Variants in BCAR3 observed in about 807,000 individuals in gnomAD.
The protein encoded by BCAR3 is BCAR3 adaptor protein, NSP family member.
Under a neutral mutation model 80.1 loss-of-function variants are expected in BCAR3, and 37 were observed. The observed-to-expected ratio is 0.46, with a 90% confidence interval of 0.36 to 0.61. The LOEUF is 0.61. BCAR3 is among the 20% of genes least tolerant of loss of function. BCAR3 has a pLI of 0.00. For missense variants in BCAR3, 978 were observed against 1,068.2 expected (o/e 0.92, Z 1.18); for synonymous variants, 389 against 418.9 (o/e 0.93, Z 0.87).
At chr1:93,699,028 C>T (rs1012650903) in intron 3 of BCAR3, among the ~76,000 whole-genome samples, 6 of 152,118 alleles carry the variant, frequency 3.9e-5, no homozygotes, top group African/African-American at 9.7e-5. Flanking sequence ...GGGGATGCAG[C>T]GCAGGGGACC....
At chr1:93,597,602 TG>T (rs1044682069) in intron 3 of BCAR3, among the ~76,000 whole-genome samples, 1 of 152,206 alleles carries the variant, frequency 6.6e-6, no homozygotes, top group Admixed American at 6.5e-5. Flanking sequence ...AAGGATTAAA[TG>T]GGTCAACATC....
At chr1:93,669,011 C>G (rs1270984073) in intron 2 of BCAR3, among the ~76,000 whole-genome samples, 2 of 152,056 alleles carry the variant, frequency 1.3e-5, no homozygotes, top group Admixed American at 1.3e-4. Flanking sequence ...CCGCACCCGG[C>G]CCAAGATTTT....
chr1:93,698,508 C>T (rs541751960), intron 3 of BCAR3, among the ~76,000 whole-genome samples: 1 of 152,258 alleles, frequency 6.6e-6, no homozygotes, highest in Admixed American at 6.5e-5. Flanking sequence ...GTGCCCTACT[C>T]CTCCTTTAAC....
intron 2 of BCAR3, among the ~76,000 whole-genome samples, chr1:93,830,609 T>A (rs1654525265): frequency 6.6e-6 from 1 of 151,808 alleles, no homozygotes. Context: ...CCCACCCAAA[T>A]CCTATAAAAT....
At chr1:93,843,919 T>C (rs544589585) in intron 2 of BCAR3, among the ~76,000 whole-genome samples, 1 of 152,320 alleles carries the variant, frequency 6.6e-6, no homozygotes, top group East Asian at 1.9e-4. Flanking sequence ...AGCAACCTTA[T>C]ACCTCTGGAG....
intron 2 of BCAR3, among the ~76,000 whole-genome samples, chr1:93,723,839 A>C (rs1049165544): frequency 1.3e-5 from 2 of 152,172 alleles, no homozygotes; most frequent in African/African-American, 4.8e-5. Context: ...GCCTCTCGGC[A>C]GTTCTCTTGG....
At chr1:93,706,359 C>CAG (rs1166369532) in intron 2 of BCAR3, among the ~76,000 whole-genome samples, 1 of 152,174 alleles carries the variant, frequency 6.6e-6, no homozygotes, top group Non-Finnish European at 1.5e-5. Flanking sequence ...CCTGTTGTCT[C>CAG]AGCAGGTTAC....
chr1:93,685,136 G>A (rs922995975), upstream of BCAR3, among the ~76,000 whole-genome samples: 1 of 152,154 alleles, frequency 6.6e-6, no homozygotes, highest in Non-Finnish European at 1.5e-5. Flanking sequence ...ATATGTTAAT[G>A]GTTTAATAGT....
intron 2 of BCAR3, among the ~76,000 whole-genome samples, chr1:93,718,467 G>A (rs1240781682): frequency 1.3e-5 from 2 of 152,098 alleles, no homozygotes; most frequent in Non-Finnish European, 2.9e-5. Context: ...GGGATTCTGG[G>A]GTCAGGCTTA....
At chr1:93,743,472 T>C (rs1557672921) in intron 2 of BCAR3, among the ~76,000 whole-genome samples, 1 of 152,204 alleles carries the variant, frequency 6.6e-6, no homozygotes, top group Non-Finnish European at 1.5e-5. Flanking sequence ...TTTCCACTGC[T>C]CTGGAGCATA....
At chr1:93,613,741 A>G in intron 3 of BCAR3, 1 of 1,361,596 alleles carries the variant, frequency 7.3e-7, no homozygotes. Flanking sequence ...CTCTGTTTTC[A>G]CAATCAGCAA....
intron 1 of BCAR3, among the ~76,000 whole-genome samples, chr1:93,680,396 C>T (rs923355214): frequency 3.3e-5 from 5 of 152,156 alleles, no homozygotes; most frequent in Non-Finnish European, 5.9e-5. Context: ...CCCCCTGGCA[C>T]GCCCGCAGAC....
At chr1:93,759,988 A>C (rs191654517) in intron 2 of BCAR3, among the ~76,000 whole-genome samples, 39 of 152,318 alleles carry the variant, frequency 2.6e-4, no homozygotes, top group Non-Finnish European at 2.2e-4. Context: ...AACTGGACCT[A>C]TCCAGTGAGT....
chr1:93,712,979 C>T (rs188690351), intron 2 of BCAR3, among the ~76,000 whole-genome samples: 1 of 152,318 alleles, frequency 6.6e-6, no homozygotes, highest in Admixed American at 6.5e-5. Flanking sequence ...CCACCTTCAT[C>T]CTCAGCTTTC....
intron 3 of BCAR3, among the ~76,000 whole-genome samples, chr1:93,635,433 T>C (rs1675751787): frequency 6.6e-6 from 1 of 152,102 alleles, no homozygotes; most frequent in South Asian, 2.1e-4. Context: ...TGGCCACATT[T>C]TCATAGACCT....
At chr1:93,816,842 G>A (rs542758854) in intron 2 of BCAR3, among the ~76,000 whole-genome samples, 266 of 151,938 alleles carry the variant, frequency 1.8e-3, no homozygotes, top group Non-Finnish European at 2.8e-3. Context: ...AATGAAGATA[G>A]AACAAAACAA....
At chr1:93,707,839 T>C (rs1399007074) in intron 2 of BCAR3, among the ~76,000 whole-genome samples, 1 of 152,220 alleles carries the variant, frequency 6.6e-6, no homozygotes, top group Admixed American at 6.5e-5. Flanking sequence ...ATGGATATGG[T>C]GTACTATCTT....
chr1:93,752,927 T>C (rs1265624019), intron 2 of BCAR3: 1 of 152,228 alleles, frequency 6.6e-6, no homozygotes, highest in Non-Finnish European at 1.5e-5. Context: ...ACACTGGTTA[T>C]AGCTATGGCA....
At chr1:93,647,851 C>T (rs1386303242) in intron 2 of BCAR3, among the ~76,000 whole-genome samples, 1 of 151,990 alleles carries the variant, frequency 6.6e-6, no homozygotes, top group Non-Finnish European at 1.5e-5. Context: ...TGGCTCACTG[C>T]AACCTCTGCC....
Sources: allele counts gnomAD v4.1 joint callset (sites outside exome capture counted in the v4.1 genomes callset), GRCh38; gene constraint gnomAD v4.1.1; transcripts MANE v1.5; gene names NCBI Gene and HGNC (gene_info 2026-07-23, HGNC 2026-07-21).